Variants in LPP observed in about 807,000 individuals in gnomAD.
LPP encodes the protein LIM domain containing preferred translocation partner in lipoma.
LPP carries 38 observed loss-of-function variants against 60.4 expected under a neutral mutation model. That is an observed-to-expected ratio of 0.63 (90% CI 0.49 to 0.83). The LOEUF is 0.83. Among genes scored for constraint, LPP ranks in the 40% least tolerant of loss-of-function variants. The pLI, the probability that LPP is intolerant of heterozygous loss-of-function variation, is 0.00. For synonymous variants in LPP, 328 were observed against 290.8 expected (o/e 1.13, Z -1.30); for missense variants, 902 against 783.6 (o/e 1.15, Z -1.80).
chr3:188,786,225 CA>C (rs929134881), intron 9 of LPP, among the ~76,000 whole-genome samples: 3 of 150,440 alleles, frequency 2.0e-5, no homozygotes, highest in Non-Finnish European at 4.4e-5. Flanking sequence ...ACTAAAAATA[CA>C]AAAAAAATTA....
chr3:188,159,328 A>G (rs1717491722), intron 1 of LPP, among the ~76,000 whole-genome samples: 1 of 152,176 alleles, frequency 6.6e-6, no homozygotes, highest in Non-Finnish European at 1.5e-5. Context: ...TGGGTCATCT[A>G]CATTTTGGCC....
At chr3:188,184,075 A>G (rs976127389) in intron 1 of LPP, among the ~76,000 whole-genome samples, 1 of 152,138 alleles carries the variant, frequency 6.6e-6, no homozygotes, top group Non-Finnish European at 1.5e-5. Context: ...ATCAAATGGA[A>G]GATTTGACTG....
intron 8 of LPP, among the ~76,000 whole-genome samples, chr3:188,729,012 A>T (rs1167064631): frequency 6.6e-6 from 1 of 152,190 alleles, no homozygotes. Flanking sequence ...GGAGCTCTGT[A>T]CCTATGATTA....
At chr3:188,678,495 T>C (rs1487864836) in intron 7 of LPP, among the ~76,000 whole-genome samples, 2 of 152,224 alleles carry the variant, frequency 1.3e-5, no homozygotes, top group Non-Finnish European at 2.9e-5. Context: ...CTTACTCTAG[T>C]GAGCAGAAAA....
intron 2 of LPP, among the ~76,000 whole-genome samples, chr3:188,246,827 C>T (rs757443730): frequency 3.9e-5 from 6 of 152,126 alleles, no homozygotes; most frequent in Non-Finnish European, 7.3e-5. Flanking sequence ...ATATCTTGTT[C>T]GAAGTTACTA....
chr3:188,204,745 A>ACACTTC (rs955293447), intron 1 of LPP, among the ~76,000 whole-genome samples: 2 of 152,138 alleles, frequency 1.3e-5, no homozygotes, highest in Non-Finnish European at 2.9e-5. Context: ...GCCAAGTTTC[A>ACACTTC]CACTTCTTCC....
chr3:188,842,341 A>G (rs2151750322), intron 9 of LPP, among the ~76,000 whole-genome samples: 1 of 152,306 alleles, frequency 6.6e-6, no homozygotes, highest in South Asian at 2.1e-4. Flanking sequence ...ATATCTATCC[A>G]TATTTTTCGC....
intron 1 of LPP, among the ~76,000 whole-genome samples, chr3:188,191,616 G>A (rs1380565350): frequency 1.3e-5 from 2 of 152,188 alleles, no homozygotes; most frequent in African/African-American, 2.4e-5. Flanking sequence ...ATTCAACACA[G>A]CAGTCAGGTC....
chr3:188,165,154 T>TAGTC (rs1298622744), intron 1 of LPP, among the ~76,000 whole-genome samples: 1 of 152,080 alleles, frequency 6.6e-6, no homozygotes, highest in Non-Finnish European at 1.5e-5. Context: ...TGCATGCCTA[T>TAGTC]AGTCCTAGCT....
rs950531177 is a variant in LPP at position 188,876,225 on chromosome 3, A to G, written c.*1746A>G. ...TGCAAACTATTCCTCAGGAATTCCA[A>G]TTAAATTTATTTTACTTGAATAGGA... is the stretch of plus-strand genomic sequence containing the variant. On this transcript the variant is annotated 3_prime_UTR_variant, in exon 12 of 12. Coordinates refer to ENST00000617246, the MANE Select transcript of LPP (RefSeq NM_001375462.1). 3 of 186,398 alleles carry G rather than the reference A, an allele frequency of 1.6e-5. No individual in the cohort carries two copies. The highest frequency in any genetic ancestry group is 4.7e-5 in the African/African-American group (2 of 42,704). The allele number at this position is 186,398 out of a possible 1,614,324, so 11.5% of individuals were successfully genotyped here.
chr3:188,629,171 G>T (rs113230876), intron 7 of LPP, among the ~76,000 whole-genome samples: 6,680 of 152,160 alleles, frequency 0.044, 286 homozygotes, highest in African/African-American at 0.11. Context: ...AAAGCTGGAA[G>T]CACTCCCCTT....
intron 1 of LPP, among the ~76,000 whole-genome samples, chr3:188,160,300 T>C (rs1717863042): frequency 6.6e-6 from 1 of 152,064 alleles, no homozygotes; most frequent in Non-Finnish European, 1.5e-5. Context: ...GTTCCAGCGA[T>C]TCTCCTACCT....
chr3:188,263,705 G>A (rs185223234), intron 2 of LPP, among the ~76,000 whole-genome samples: 6 of 152,312 alleles, frequency 3.9e-5, no homozygotes, highest in African/African-American at 1.2e-4. Context: ...AATCCGTCAC[G>A]TAGAAAGTTT....
chr3:188,556,815 T>G (rs1342999475), intron 6 of LPP, among the ~76,000 whole-genome samples: 1 of 152,030 alleles, frequency 6.6e-6, no homozygotes, highest in Non-Finnish European at 1.5e-5. Context: ...TGATTGACAT[T>G]TCACCTTCAA....
intron 8 of LPP, among the ~76,000 whole-genome samples, chr3:188,751,229 A>G (rs1337783647): frequency 2.6e-5 from 4 of 152,188 alleles, no homozygotes; most frequent in African/African-American, 9.6e-5. Flanking sequence ...TTCCTACCAC[A>G]AAAGCTAAAA....
intron 6 of LPP, among the ~76,000 whole-genome samples, chr3:188,566,314 C>A (rs930715581): frequency 5.3e-5 from 8 of 151,826 alleles, no homozygotes; most frequent in African/African-American, 1.7e-4. Context: ...CAGCAAACAA[C>A]CTTTCTGTGC....
intron 2 of LPP, among the ~76,000 whole-genome samples, chr3:188,316,990 C>G (rs1755275521): frequency 6.6e-6 from 1 of 152,158 alleles, no homozygotes; most frequent in Non-Finnish European, 1.5e-5. Context: ...ATTTGCTGAT[C>G]CCTGAGGGGA....
At chr3:188,157,757 T>C (rs549001568) in intron 1 of LPP, among the ~76,000 whole-genome samples, 1 of 151,936 alleles carries the variant, frequency 6.6e-6, no homozygotes, top group South Asian at 2.1e-4. Context: ...TTTTGGCTGC[T>C]CTTCACTGAG....
intron 2 of LPP, among the ~76,000 whole-genome samples, chr3:188,318,797 C>A (rs867809566): frequency 1.7e-5 from 2 of 120,254 alleles, no homozygotes. Flanking sequence ...CTCGCTCTGT[C>A]GCCCAGGCTG....
Sources: allele counts gnomAD v4.1 joint callset (sites outside exome capture counted in the v4.1 genomes callset), GRCh38; gene constraint gnomAD v4.1.1; transcripts MANE v1.5; gene names NCBI Gene and HGNC (gene_info 2026-07-23, HGNC 2026-07-21).